Variants in OTOGL observed in about 807,000 individuals in gnomAD.
The protein encoded by OTOGL is otogelin like.
A neutral mutation model predicts 318.5 loss-of-function variants in OTOGL; 285 were observed. The observed-to-expected ratio is 0.89, with a 90% CI of 0.81 to 0.99. OTOGL has a LOEUF of 0.99. Ranked by LOEUF, OTOGL falls within the 50% of genes least tolerant of loss-of-function variation. OTOGL has a pLI of 0.00. For synonymous variants in OTOGL, 987 were observed against 936.5 expected (o/e 1.05, Z -0.99); for missense variants, 2,899 against 2,845.6 (o/e 1.02, Z -0.43).
intron 1 of OTOGL, among the ~76,000 whole-genome samples, chr12:80,149,651 G>A (rs1384420069): frequency 6.6e-6 from 1 of 152,138 alleles, no homozygotes; most frequent in Admixed American, 6.5e-5. Flanking sequence ...GCAATGGCGG[G>A]CGCCCCTCCC....
chr12:80,279,072 C>T lies in OTOGL; in HGVS notation c.2834C>T (p.Pro945Leu), dbSNP rs1358923283. The T allele has an allele frequency of 6.3e-7, 1 of 1,595,238 alleles. No homozygotes were observed. Among genetic ancestry groups the T allele is most frequent in the East Asian group, 2.2e-5 (1 of 44,780 alleles). The change falls in exon 26 of 59, where the codon CCA (proline) becomes CTA (leucine). Residue 945 changes from proline to leucine, a missense_variant. Pro to Leu is a moderately conservative substitution (Grantham distance 98, BLOSUM62 -3). Transcript: ENST00000547103. ...TTCAATTGCACATATTATCCATGCC[C>T]AGCAGTGTGCACAATATACGGGGAC... ...GMFNCTYYPCPAVCTIYGDRH... is the reference protein window; with the variant it reads ...GMFNCTYYPCLAVCTIYGDRH...
chr12:80,309,912 C>A (rs569282425), intron 29 of OTOGL, among the ~76,000 whole-genome samples: 6 of 151,922 alleles, frequency 3.9e-5, no homozygotes, highest in Non-Finnish European at 8.8e-5. Flanking sequence ...GAAGCCAGGA[C>A]GCGTGTACCG....
chr12:80,342,520 T>A (rs890524019), intron 44 of OTOGL, among the ~76,000 whole-genome samples: 8 of 152,196 alleles, frequency 5.3e-5, no homozygotes, highest in African/African-American at 1.9e-4. Flanking sequence ...CCTGGCTTCT[T>A]AGGCACATAC....
Position 80,367,613 on chromosome 12 carries a change from A to G in OTOGL, c.6384A>G (p.Gln2128=). Residue 2128 remains glutamine, a synonymous_variant, in exon 54 of 59, where the codon CAA becomes CAG. Coordinates refer to ENST00000547103, the MANE Select transcript of OTOGL (RefSeq NM_001378609.3). Reference sequence around the variant, plus strand: ...AAGTATCAGTATTGAATCCTGGACAATCCATGATAAAGTATTTGGAAGAAG... The same window carrying G: ...AAGTATCAGTATTGAATCCTGGACAGTCCATGATAAAGTATTTGGAAGAAG... ...FQEVSVLNPG[Q]SMIKYLEEDF... The G allele has an allele frequency of 6.5e-7, 1 of 1,545,244 alleles. No individual in the cohort carries two copies. The highest frequency in any genetic ancestry group is 8.8e-7 in the Non-Finnish European group (1 of 1,136,642).
At chr12:80,234,734 T>C (rs1879686407) in intron 9 of OTOGL, among the ~76,000 whole-genome samples, 1 of 152,160 alleles carries the variant, frequency 6.6e-6, no homozygotes, top group African/African-American at 2.4e-5. Context: ...TGAGAAGCCT[T>C]TATTAAAATG....
Position 80,320,466 on chromosome 12 carries a change from T to A in OTOGL, c.3847T>A (p.Phe1283Ile), listed in dbSNP as rs1240647215. The A allele has an allele frequency of 6.2e-7, 1 of 1,613,362 alleles. No homozygotes were observed. The highest frequency in any genetic ancestry group is 1.7e-5 in the Admixed American group (1 of 59,924). The change falls in exon 34 of 59, where the codon TTT (phenylalanine) becomes ATT (isoleucine). Residue 1283 changes from phenylalanine to isoleucine, a missense_variant. This residue lies in a region of OTOGL where 2,607 missense variants were observed against 2,524.9 expected (regional missense o/e 1.03). Coordinates refer to ENST00000547103, the MANE Select transcript of OTOGL (RefSeq NM_001378609.3). ...SLESAERPNY[F>I]LYVHDNDTLS... is the part of the protein sequence containing the mutation. ...GGAATCTGCTGAAAGGCCAAACTAC[T>A]TTCTCTATGTCCATGACAATGATAC...
rs1028718708 is a variant in OTOGL at position 80,267,738 on chromosome 12, ATATAT to A, written c.2465+416_2465+420del. On this transcript the variant is annotated intron_variant, in intron 22 of 58. Transcript: ENST00000547103. ...ATAAAGATAACAATGTAATCTTTAAATATATTATAATCATGTGATTGTATATATAT... is the reference window on the plus strand; with the variant it reads ...ATAAAGATAACAATGTAATCTTTAAATATAATCATGTGATTGTATATATAT... 3.7e-4 allele frequency among the ~76,000 whole-genome samples: 56 copies of A among 151,932 alleles called. 2 individuals carry two copies. Among genetic ancestry groups the A allele is most frequent in the Middle Eastern group, 3.4e-3 (1 of 292 alleles).
At chr12:80,211,812 T>C in intron 3 of OTOGL, 137 bp from the exon 4 acceptor site, 1 of 703,980 alleles carries the variant, frequency 1.4e-6, no homozygotes, top group Non-Finnish European at 2.3e-6. Flanking sequence ...GGAGGACTTT[T>C]TAAATGTTAA....
chr12:80,128,744 C>T (rs1408195447), intron 1 of OTOGL, among the ~76,000 whole-genome samples: 9 of 152,178 alleles, frequency 5.9e-5, no homozygotes, highest in Non-Finnish European at 8.8e-5. Flanking sequence ...CAATGTCGGG[C>T]ACCCGTCCCC....
chr12:80,110,397 T>TC (rs1210683136), intron 1 of OTOGL, among the ~76,000 whole-genome samples: 1 of 152,092 alleles, frequency 6.6e-6, no homozygotes, highest in African/African-American at 2.4e-5. Flanking sequence ...ATGCTATCCC[T>TC]CCCCTTGCTC....
intron 1 of OTOGL, among the ~76,000 whole-genome samples, chr12:80,174,098 G>C (rs528487932): frequency 6.6e-6 from 1 of 152,120 alleles, no homozygotes. Context: ...GGCTTTCCAC[G>C]AACTGGGCAA....
intron 34 of OTOGL, 65 bp from the exon 35 acceptor site, chr12:80,323,658 G>A (rs749437122): frequency 2.1e-5 from 26 of 1,241,132 alleles, no homozygotes; most frequent in Non-Finnish European, 2.8e-5. Context: ...AGAAAGAAAA[G>A]GGAATTGTTA....
At chr12:80,222,391 C>G (rs1878437028) in intron 7 of OTOGL, 146 bp downstream of exon 7, 1 of 861,240 alleles carries the variant, frequency 1.2e-6, no homozygotes, top group Non-Finnish European at 1.7e-6. Context: ...AGTTACGAAC[C>G]ATATTACTCA....
chr12:80,261,214 C>CA (rs2137542110), intron 18 of OTOGL, among the ~76,000 whole-genome samples: 1 of 152,160 alleles, frequency 6.6e-6, no homozygotes, highest in African/African-American at 2.4e-5. Flanking sequence ...GTGGTGTGGT[C>CA]AAAAACTTCC....
intron 1 of OTOGL, among the ~76,000 whole-genome samples, chr12:80,140,202 A>G (rs117686903): frequency 0.012 from 1,879 of 152,234 alleles, 26 homozygotes; most frequent in Non-Finnish European, 0.02. Context: ...TTCATACCAC[A>G]GATGTCTTCT....
At chr12:80,101,332 G>A (rs755168884) in intron 1 of OTOGL, among the ~76,000 whole-genome samples, 7 of 152,048 alleles carry the variant, frequency 4.6e-5, no homozygotes, top group Non-Finnish European at 1.0e-4. Flanking sequence ...CAGTTTTTTA[G>A]TACAAAGAAT....
At chr12:80,272,075 G>A (rs1883452326) in intron 24 of OTOGL, among the ~76,000 whole-genome samples, 1 of 152,130 alleles carries the variant, frequency 6.6e-6, no homozygotes, top group Non-Finnish European at 1.5e-5. Context: ...TTTTGAGAAA[G>A]TGACACAATT....
chr12:80,171,478 A>G (rs1592515886), intron 1 of OTOGL, among the ~76,000 whole-genome samples: 1 of 152,152 alleles, frequency 6.6e-6, no homozygotes, highest in Non-Finnish European at 1.5e-5. Context: ...CCAAATATCA[A>G]TTGACTATGT....
chr12:80,147,233 C>T (rs1441364155), intron 1 of OTOGL, among the ~76,000 whole-genome samples: 1 of 149,616 alleles, frequency 6.7e-6, no homozygotes, highest in Non-Finnish European at 1.5e-5. Context: ...TGAATGCGTC[C>T]CAGAGATTCT....
Sources: gnomAD v4.1 joint callset for allele counts (sites outside exome capture counted in the v4.1 genomes callset) on GRCh38, gnomAD v4.1.1 for gene constraint, gnomAD v4.1.1 regional missense constraint, MANE v1.5 for transcripts, NCBI Gene and HGNC (gene_info 2026-07-23, HGNC 2026-07-21) for gene names.